Variants in FGD5 observed in about 807,000 individuals in gnomAD.
FGD5 encodes FYVE, RhoGEF and PH domain-containing protein 5.
FGD5 carries 28 observed loss-of-function variants against 133.4 expected under a neutral mutation model. That is an observed-to-expected ratio of 0.21 (90% confidence interval 0.16 to 0.29). The LOEUF (loss-of-function observed/expected upper bound fraction) is 0.29, where lower values mean the gene tolerates loss of function less well. Ranked by LOEUF, FGD5 falls within the 10% of genes least tolerant of loss-of-function variation. The probability of loss-of-function intolerance (pLI) is 1.00; values close to 1 mark genes in which losing one functional copy is unlikely to be tolerated. For synonymous variants in FGD5, 810 were observed against 776.5 expected (o/e 1.04, Z -0.72); for missense variants, 1,858 against 1,895.2 (o/e 0.98, Z 0.36).
intron 2 of FGD5, among the ~76,000 whole-genome samples, chr3:14,866,561 C>T (rs1376582095): frequency 6.6e-6 from 1 of 152,130 alleles, no homozygotes; most frequent in African/African-American, 2.4e-5. Flanking sequence ...GGGCAACTTC[C>T]TGACCACTCT....
chr3:14,889,938 C>CAGA (rs1179592170), intron 4 of FGD5, among the ~76,000 whole-genome samples: 4 of 152,180 alleles, frequency 2.6e-5, no homozygotes, highest in African/African-American at 9.7e-5. Context: ...AGTCCACCTT[C>CAGA]ACATCTGGGG....
chr3:14,822,929 C>T (rs1211876470), intron 1 of FGD5, among the ~76,000 whole-genome samples: 1 of 152,206 alleles, frequency 6.6e-6, no homozygotes, highest in Admixed American at 6.5e-5. Context: ...ATGGATAATT[C>T]TCTTGAGTAT....
Position 14,923,856 on chromosome 3 carries a change from C to T in FGD5, c.3938-152C>T, listed in dbSNP as rs1575262895. 1.6e-5 allele frequency: 16 copies of T among 975,350 alleles called. No homozygotes were observed. In the East Asian group the frequency reaches 4.2e-4, roughly 26 times the overall value. The allele number at this position is 975,350 out of a possible 1,614,324, so 60.4% of individuals were successfully genotyped here. ...CCCCCATAGCCTTTGTCTGTTCCTG[C>T]AGGAGGGAGGGAGGAAGAGTGCTTG... is the stretch of plus-strand genomic sequence containing the variant. On this transcript the variant is annotated intron_variant, in intron 16 of 19. Coordinates refer to ENST00000285046, the MANE Select transcript of FGD5 (RefSeq NM_152536.4).
intron 1 of FGD5, among the ~76,000 whole-genome samples, chr3:14,860,884 C>T (rs764190467): frequency 5.9e-5 from 9 of 151,582 alleles, no homozygotes; most frequent in Admixed American, 3.9e-4. Flanking sequence ...GAGGCTGTGG[C>T]GGGAGGATTG....
chr3:14,855,002 C>G (rs1055250537), intron 1 of FGD5, among the ~76,000 whole-genome samples: 1 of 152,174 alleles, frequency 6.6e-6, no homozygotes. Flanking sequence ...AGATCTCTCC[C>G]TATCCTCACC....
rs1294021148 is a variant in FGD5 at position 14,932,417 on chromosome 3, G to T, written c.4198-160G>T. 2.6e-5 allele frequency: 19 copies of T among 742,454 alleles called. No individual in the cohort carries two copies. The South Asian group carries it at 3.0e-4, about 12-fold the overall frequency. The allele number at this position is 742,454 out of a possible 1,614,324, so 46.0% of individuals were successfully genotyped here. A position where few individuals can be genotyped will look rare whatever the true frequency, so the allele number is the denominator to read the frequency against. On this transcript the variant is annotated intron_variant, in intron 18 of 19. Transcript: ENST00000285046. ...TCTTTCCTTCCTCAGGGCTGGCTCT[G>T]GGGGGAAGCGAGGGTCAACAGTTTG...
chr3:14,917,434 G>A lies in FGD5; in HGVS notation c.3489+102G>A, dbSNP rs1184107414. On this transcript the variant is annotated intron_variant, in intron 12 of 19. Transcript: ENST00000285046. The surrounding 1 kb of genome is among the most constrained non-coding windows in gnomAD (Gnocchi z 4.1). The stretch of plus-strand genomic sequence containing the variant: ...CCAGGAGCACCCAGACCAGCTGGAA[G>A]AGGGAGGCCCTGCGGAAACAGTGTT... The A allele has an allele frequency of 2.8e-6, 3 of 1,065,632 alleles. No homozygotes were observed. The highest frequency in any genetic ancestry group is 1.6e-5 in the African/African-American group (1 of 63,132). 66.0% of individuals were successfully genotyped at this position (1,065,632 alleles called of 1,614,324 possible).
intron 16 of FGD5, among the ~76,000 whole-genome samples, chr3:14,923,741 G>A (rs2038732927): frequency 6.6e-6 from 1 of 152,224 alleles, no homozygotes; most frequent in Admixed American, 6.5e-5. Context: ...GCTGGACTAA[G>A]GTCATCAGAG....
chr3:14,842,435 C>T lies in FGD5; in HGVS notation c.2525+20839C>T, dbSNP rs2036941850. Among the ~76,000 whole-genome samples the T allele has an allele frequency of 2.0e-5, 3 of 152,332 alleles. No individual in the cohort carries two copies. The South Asian group carries it at 6.2e-4, about 32-fold the overall frequency. ...CTCCCTTTCCTCAATGCCAACTCTC[C>T]TAGACAGGGTTCCAGAGCCCATCTC... On this transcript the variant is annotated intron_variant, in intron 1 of 19. Coordinates refer to ENST00000285046, the MANE Select transcript of FGD5 (RefSeq NM_152536.4).
At chr3:14,830,410 G>A (rs573823867) in intron 1 of FGD5, among the ~76,000 whole-genome samples, 1 of 152,280 alleles carries the variant, frequency 6.6e-6, no homozygotes, top group East Asian at 1.9e-4. Flanking sequence ...AGAAAATCGT[G>A]TCAGGAACGC....
At chr3:14,860,055 A>G (rs977507069) in intron 1 of FGD5, among the ~76,000 whole-genome samples, 2 of 152,262 alleles carry the variant, frequency 1.3e-5, no homozygotes, top group African/African-American at 4.8e-5. Context: ...ACAGAAATTC[A>G]AAACACAGGA....
chr3:14,891,965 T>C (rs1157984884), intron 4 of FGD5, among the ~76,000 whole-genome samples: 2 of 151,632 alleles, frequency 1.3e-5, no homozygotes, highest in Non-Finnish European at 2.9e-5. Flanking sequence ...CTCATACCTG[T>C]TCACTGGATC....
intron 11 of FGD5, among the ~76,000 whole-genome samples, chr3:14,916,537 C>G (rs2038557861): frequency 6.6e-6 from 1 of 152,224 alleles, no homozygotes; most frequent in South Asian, 2.1e-4. Context: ...CCCAACCCTT[C>G]CTTAGCTATA....
At chr3:14,931,643 C>CGA (rs1313025447) in intron 18 of FGD5, 1 of 152,080 alleles carries the variant, frequency 6.6e-6, no homozygotes, top group Non-Finnish European at 1.5e-5. Flanking sequence ...ATGTCTTTAC[C>CGA]TATATATAAA....
At chr3:14,919,906 T>G (rs2038641074) in intron 13 of FGD5, among the ~76,000 whole-genome samples, 1 of 152,082 alleles carries the variant, frequency 6.6e-6, no homozygotes, top group Non-Finnish European at 1.5e-5. Context: ...AGGCCCTGCC[T>G]CCCAACACCA....
At chr3:14,846,261 A>G (rs2037049810) in intron 1 of FGD5, among the ~76,000 whole-genome samples, 1 of 152,010 alleles carries the variant, frequency 6.6e-6, no homozygotes, top group Non-Finnish European at 1.5e-5. Flanking sequence ...AAAAGATTGT[A>G]CTAGTGAGGA....
In FGD5 at chr3:14,821,043, G is replaced by C. The variant is rs1203838703; in HGVS notation, c.1972G>C (p.Ala658Pro). ...GAAGTCATCCTTTAAGCGCTTCCTG[G>C]CACTGACGTTTAAGAAGAAGACGGA... Reference protein sequence around the residue: ...KKKSSFKRFLALTFKKKTENK... With the variant: ...KKKSSFKRFLPLTFKKKTENK... The change falls in exon 1 of 20, where the codon GCA becomes CCA. Residue 658 changes from alanine (A) to proline (P), a missense_variant. Physicochemically the swap from Ala to Pro is conservative, Grantham distance 27. Around this residue, in one of 3 missense-constraint regions of FGD5, gnomAD observed 1,824 missense variants for 1,848.9 expected, o/e 0.99. Transcript: ENST00000285046. 1 of 1,613,894 alleles carries C rather than the reference G, an allele frequency of 6.2e-7. No individual in the cohort carries two copies. The highest frequency in any genetic ancestry group is 8.5e-7 in the Non-Finnish European group (1 of 1,179,880).
At chr3:14,849,348 C>T (rs904128522) in intron 1 of FGD5, among the ~76,000 whole-genome samples, 1 of 152,182 alleles carries the variant, frequency 6.6e-6, no homozygotes, top group Non-Finnish European at 1.5e-5. Context: ...CCTGCTCTGC[C>T]CTGGTACTGC....
intron 18 of FGD5, 176 bp from the exon 19 acceptor site, chr3:14,932,401 C>G: frequency 1.7e-6 from 1 of 591,932 alleles, no homozygotes. Context: ...TTCTTTCCTT[C>G]CTCAGGGCTG....
Sources: allele counts gnomAD v4.1 joint callset (sites outside exome capture counted in the v4.1 genomes callset), GRCh38; gene constraint gnomAD v4.1.1; regional missense constraint gnomAD v4.1.1; non-coding constraint Gnocchi (gnomAD v3.1); transcripts MANE v1.5; gene names NCBI Gene and HGNC (gene_info 2026-07-23, HGNC 2026-07-21).